ATM: variants seen among roughly 807,000 people sequenced by gnomAD.
ATM encodes serine-protein kinase ATM.
ATM carries 308 observed loss-of-function variants against 387.0 expected under a neutral mutation model. That is an observed-to-expected ratio of 0.80 (90% CI 0.73 to 0.87). The LOEUF is 0.87. Among genes scored for constraint, ATM ranks in the 40% least tolerant of loss-of-function variants. The probability of loss-of-function intolerance (pLI) is 0.00; values close to 1 mark genes in which losing one functional copy is unlikely to be tolerated. For missense variants in ATM, 3,312 were observed against 3,560.9 expected (o/e 0.93, Z 1.78); for synonymous variants, 1,156 against 1,187.3 (o/e 0.97, Z 0.54).
intron 7 of ATM, among the ~76,000 whole-genome samples, chr11:108,246,120 G>C (rs191682117): frequency 6.6e-6 from 1 of 151,958 alleles, no homozygotes; most frequent in Non-Finnish European, 1.5e-5. Context: ...CACTGTGCCC[G>C]GCCGTGTAGC....
At chr11:108,321,106 T>C (rs919118940) in intron 44 of ATM, among the ~76,000 whole-genome samples, 195 bp from the exon 45 acceptor site, 5 of 152,208 alleles carry the variant, frequency 3.3e-5, no homozygotes, top group African/African-American at 9.6e-5. Flanking sequence ...AAGTGGACCA[T>C]GCATTTAAAT....
Position 108,292,658 on chromosome 11 carries a change from C to T in ATM, c.4476C>T (p.Ser1492=), listed in dbSNP as rs780236656. The change falls in exon 30 of 63, where the codon TCC becomes TCT. Residue 1492 remains serine (S), a synonymous_variant. Coordinates refer to ENST00000675843, the MANE Select transcript of ATM (RefSeq NM_000051.4). The stretch of plus-strand genomic sequence containing the variant: ...TGGATGTGTCATTACGTAGCTTCTC[C>T]CTTTGTTGTGACTTATTAAGTCAGG... The part of the protein sequence containing the change: ...CIMDVSLRSF[S]LCCDLLSQVC... The T allele has an allele frequency of 5.6e-6, 9 of 1,613,676 alleles. No homozygotes were observed. The South Asian group carries it at 9.9e-5, about 18-fold the overall frequency.
chr11:108,253,774 G>C (rs1426884165), intron 12 of ATM, 40 bp from the exon 13 acceptor site: 6 of 1,487,318 alleles, frequency 4.0e-6, no homozygotes, highest in Non-Finnish European at 5.6e-6. Flanking sequence ...CAAAGCATTA[G>C]GTACTTGGTT....
intron 39 of ATM, among the ~76,000 whole-genome samples, chr11:108,310,766 GATTT>G (rs1485105778): frequency 6.6e-6 from 1 of 152,068 alleles, no homozygotes; most frequent in Non-Finnish European, 1.5e-5. Flanking sequence ...TAATGTGACT[GATTT>G]ATTTCTGTGA....
intron 61 of ATM, among the ~76,000 whole-genome samples, chr11:108,358,053 T>C (rs1301885572): frequency 6.9e-6 from 1 of 145,140 alleles, no homozygotes. Context: ...TTGAAAAAAA[T>C]TTAGAAGAAT....
intron 26 of ATM, among the ~76,000 whole-genome samples, 156 bp downstream of exon 26, chr11:108,284,629 G>C (rs995024563): frequency 2.0e-5 from 3 of 151,838 alleles, no homozygotes; most frequent in Non-Finnish European, 4.4e-5. Flanking sequence ...GAATTTTTTT[G>C]GTTATGTCGT....
At chr11:108,299,947 C>A (rs925832146) in intron 34 of ATM, 62 bp downstream of exon 34, 48 of 1,448,242 alleles carry the variant, frequency 3.3e-5, no homozygotes, top group Non-Finnish European at 4.2e-5. Context: ...AATGATACTT[C>A]ACACAAATAG....
intron 61 of ATM, 185 bp downstream of exon 61, chr11:108,355,059 G>T: frequency 1.7e-6 from 1 of 603,646 alleles, no homozygotes; most frequent in Non-Finnish European, 3.0e-6. Context: ...GTTTAGAAAT[G>T]CCTTCAGCCC....
chr11:108,323,729 G>T (rs374898069), intron 45 of ATM, among the ~76,000 whole-genome samples: 110 of 152,224 alleles, frequency 7.2e-4, no homozygotes, highest in African/African-American at 2.5e-3. Context: ...AACACCTAAA[G>T]AATAATCTGG....
intron 40 of ATM, among the ~76,000 whole-genome samples, chr11:108,312,710 A>G (rs372104858): frequency 1.9e-4 from 29 of 152,306 alleles, no homozygotes; most frequent in Middle Eastern, 6.8e-3. Flanking sequence ...TGAGTTCCTT[A>G]TCTGAAAGAC....
chr11:108,310,282 C>T lies in ATM; in HGVS notation c.5885C>T (p.Ala1962Val), dbSNP rs2136017842. The T allele has an allele frequency of 1.9e-6, 3 of 1,613,238 alleles. No homozygotes were observed. The highest frequency in any genetic ancestry group is 2.5e-6 in the Non-Finnish European group (3 of 1,179,612). The change falls in exon 39 of 63, where the codon GCA becomes GTA. Residue 1962 changes from alanine to valine, a missense_variant. Transcript: ENST00000675843. ...GCTTTACTCTATGCAGAAATCTATG[C>T]AGATAAGAAAAGTATGGATGATCAA... ...FTALLYAEIY[A>V]DKKSMDDQEK...
rs1371213464 is a variant in ATM, at chr11:108,367,428, A to G, written c.*1920A>G. 1.0e-5 allele frequency: 2 copies of G among 200,056 alleles called. No individual in the cohort carries two copies. The highest frequency in any genetic ancestry group is 2.3e-5 in the African/African-American group (1 of 43,514). 12.4% of individuals were successfully genotyped at this position (200,056 alleles called of 1,614,324 possible). A position where few individuals can be genotyped will look rare whatever the true frequency, so the allele number is the denominator to read the frequency against. On this transcript the variant is annotated 3_prime_UTR_variant, in exon 63 of 63. Transcript: ENST00000675843. ...AGGGCTTAGGTATCTAGTTTGATAC[A>G]TAGGTAGAAGTGGAACATTTCTCTG...
intron 18 of ATM, among the ~76,000 whole-genome samples, chr11:108,269,434 A>T (rs1404001197): frequency 2.0e-5 from 3 of 152,206 alleles, no homozygotes; most frequent in Non-Finnish European, 4.4e-5. Flanking sequence ...CTGTTGATAG[A>T]TATCTTCAAA....
intron 12 of ATM, among the ~76,000 whole-genome samples, chr11:108,253,244 A>G (rs182593823): frequency 1.6e-4 from 25 of 152,294 alleles, no homozygotes; most frequent in East Asian, 1.3e-3. Flanking sequence ...CTGTACATCA[A>G]CTATGATTTG....
In ATM at chr11:108,244,517, T is replaced by C. The variant is rs369072359; in HGVS notation, c.663-271T>C. Among the ~76,000 whole-genome samples, 7 of 152,224 alleles carry C rather than the reference T, an allele frequency of 4.6e-5. No homozygotes were observed. The East Asian group carries it at 1.3e-3, about 29-fold the overall frequency. ...ATGTGAAACATTTTATAAATGGTGT[T>C]ACAAATCAGTTTTGTTTATTTTTAT... On this transcript the variant is annotated intron_variant, in intron 6 of 62. Coordinates refer to ENST00000675843, the MANE Select transcript of ATM (RefSeq NM_000051.4).
rs916783998 is a variant in ATM, at chr11:108,347,221, A to G, written c.8585-58A>G. ...AGTGGTCTTAATTGAAATTATGGCT[A>G]TATATTAGAAAGAGATGGAATCAGT... On this transcript the variant is annotated intron_variant, in intron 58 of 62. Coordinates refer to ENST00000675843, the MANE Select transcript of ATM (RefSeq NM_000051.4). The G allele has an allele frequency of 4.7e-6, 6 of 1,268,728 alleles. No homozygotes were observed. The East Asian group carries it at 7.0e-5, about 15-fold the overall frequency. 78.6% of individuals were successfully genotyped at this position (1,268,728 alleles called of 1,614,324 possible).
chr11:108,344,862 G>A (rs533579472), intron 57 of ATM, among the ~76,000 whole-genome samples: 1 of 152,130 alleles, frequency 6.6e-6, no homozygotes. Context: ...AGTCAGCCAG[G>A]TAATGGTGGC....
At chr11:108,271,777 C>T (rs981847289) in intron 20 of ATM, among the ~76,000 whole-genome samples, 1 of 152,216 alleles carries the variant, frequency 6.6e-6, no homozygotes, top group Non-Finnish European at 1.5e-5. Context: ...CAAGATAACA[C>T]CCTGATACTT....
intron 22 of ATM, among the ~76,000 whole-genome samples, chr11:108,275,338 C>G (rs1158682205): frequency 6.6e-6 from 1 of 152,128 alleles, no homozygotes. Context: ...TGTCTTTTAA[C>G]TGGGACATTT....
Sources: gnomAD v4.1 joint callset for allele counts (sites outside exome capture counted in the v4.1 genomes callset) on GRCh38, gnomAD v4.1.1 for gene constraint, MANE v1.5 for transcripts, NCBI Gene and HGNC (gene_info 2026-07-23, HGNC 2026-07-21) for gene names.